The following MUSK variants were observed in gnomAD, a reference collection of about 807,000 sequenced individuals.
MUSK encodes muscle, skeletal receptor tyrosine-protein kinase.
A neutral mutation model predicts 88.7 loss-of-function variants in MUSK; 55 were observed. The observed-to-expected ratio is 0.62, with a 90% CI of 0.50 to 0.78. MUSK has a LOEUF of 0.78. MUSK is among the 30% of genes least tolerant of loss of function. MUSK has a pLI of 0.00. For synonymous variants in MUSK, 387 were observed against 391.9 expected, an observed-to-expected ratio of 0.99 and a Z score of 0.15; for missense variants, 1,015 against 1,074.3, an observed-to-expected ratio of 0.94 and a Z score of 0.77.
rs1261130846 is a variant in MUSK, at chr9:110,747,781, A to G, written c.894A>G (p.Ala298=). 1.9e-6 allele frequency: 3 copies of G among 1,613,720 alleles called. No individual in the cohort carries two copies. Among genetic ancestry groups the G allele is most frequent in the Non-Finnish European group, 2.5e-6 (3 of 1,179,774 alleles). ...AGAAGTTCAGTACTGCCAAGGCTGC[A>G]GCCACCATCAGCATAGCAGGTAGGA... The part of the protein sequence containing the change: ...HGEKFSTAKA[A]ATISIAEWSK... Residue 298 remains alanine, a synonymous_variant, in exon 7 of 15, where the codon GCA becomes GCG. Coordinates refer to ENST00000374448, the MANE Select transcript of MUSK (RefSeq NM_005592.4).
chr9:110,713,562 C>A (rs2076704082), intron 5 of MUSK, among the ~76,000 whole-genome samples: 2 of 152,006 alleles, frequency 1.3e-5, no homozygotes, highest in Admixed American at 1.3e-4. Context: ...GCCTAGCCCT[C>A]TCTTAGACAT....
chr9:110,707,019 G>GAA (rs1384206965), intron 5 of MUSK, among the ~76,000 whole-genome samples: 1 of 143,842 alleles, frequency 7.0e-6, no homozygotes, highest in African/African-American at 2.6e-5. Flanking sequence ...AATAGAGAGA[G>GAA]AGAGAGAGAA....
At chr9:110,708,492 A>G (rs952904787) in intron 5 of MUSK, among the ~76,000 whole-genome samples, 1 of 152,162 alleles carries the variant, frequency 6.6e-6, no homozygotes, top group Non-Finnish European at 1.5e-5. Flanking sequence ...TACATTGTGC[A>G]TTTGAAAACC....
chr9:110,673,794 T>G (rs1298980335), intron 1 of MUSK, among the ~76,000 whole-genome samples: 9 of 152,190 alleles, frequency 5.9e-5, no homozygotes, highest in Non-Finnish European at 8.8e-5. Flanking sequence ...AAGTAGCACA[T>G]GGTATTTAAG....
At chr9:110,707,756 A>G (rs2076617407) in intron 5 of MUSK, among the ~76,000 whole-genome samples, 1 of 152,204 alleles carries the variant, frequency 6.6e-6, no homozygotes, top group African/African-American at 2.4e-5. Flanking sequence ...CCTTCTGGGT[A>G]CAGGGTTATT....
chr9:110,774,872 C>CAA (rs1442335842), intron 9 of MUSK, among the ~76,000 whole-genome samples: 1 of 136,144 alleles, frequency 7.3e-6, no homozygotes, highest in Non-Finnish European at 1.5e-5. Context: ...TATATACACA[C>CAA]ACACACACAC....
intron 3 of MUSK, among the ~76,000 whole-genome samples, chr9:110,689,242 T>TATAA (rs373336403): frequency 0.69 from 79,601 of 115,466 alleles, 28,461 homozygotes; most frequent in African/African-American, 0.86. Flanking sequence ...TATATAAATA[T>TATAA]ATAAACTATA....
At chr9:110,755,125 C>T (rs1013873354) in intron 7 of MUSK, among the ~76,000 whole-genome samples, 24 of 152,260 alleles carry the variant, frequency 1.6e-4, no homozygotes, top group African/African-American at 4.8e-4. Flanking sequence ...TGGAGTCCTG[C>T]AAATGTTAGA....
At chr9:110,755,699 C>G (rs1050786499) in intron 7 of MUSK, among the ~76,000 whole-genome samples, 2 of 151,924 alleles carry the variant, frequency 1.3e-5, no homozygotes, top group Non-Finnish European at 2.9e-5. Context: ...GGAGAGTAGA[C>G]AAAATGGGTC....
intron 6 of MUSK, among the ~76,000 whole-genome samples, chr9:110,746,497 G>T (rs1043986039): frequency 1.3e-5 from 2 of 152,194 alleles, no homozygotes; most frequent in Non-Finnish European, 2.9e-5. Context: ...AGACACGCTA[G>T]GATGCAAATT....
chr9:110,675,975 A>G (rs1185796093), intron 1 of MUSK, among the ~76,000 whole-genome samples: 1 of 152,072 alleles, frequency 6.6e-6, no homozygotes, highest in African/African-American at 2.4e-5. Flanking sequence ...TTATCTCTCA[A>G]TATCTAGATG....
intron 6 of MUSK, among the ~76,000 whole-genome samples, chr9:110,739,933 G>A (rs1157891692): frequency 6.6e-6 from 1 of 152,208 alleles, no homozygotes; most frequent in East Asian, 1.9e-4. Flanking sequence ...CTTGGCTGTA[G>A]TGAACATATA....
At chr9:110,734,907 A>G (rs929825489) in intron 6 of MUSK, among the ~76,000 whole-genome samples, 2 of 152,082 alleles carry the variant, frequency 1.3e-5, no homozygotes, top group African/African-American at 4.8e-5. Context: ...AACATCAAAC[A>G]CTATTCTAGG....
At chr9:110,776,998 A>G (rs964261810) in intron 11 of MUSK, among the ~76,000 whole-genome samples, 4 of 152,186 alleles carry the variant, frequency 2.6e-5, no homozygotes, top group Non-Finnish European at 5.9e-5. Flanking sequence ...TAATCTAATT[A>G]TGTATAGATG....
intron 8 of MUSK, among the ~76,000 whole-genome samples, chr9:110,764,598 A>ATAGAT (rs1305420865): frequency 7.0e-6 from 1 of 143,062 alleles, no homozygotes; most frequent in Non-Finnish European, 1.6e-5. Context: ...AGATAGATAG[A>ATAGAT]TAGATTAGAT....
intron 5 of MUSK, among the ~76,000 whole-genome samples, chr9:110,707,539 G>T (rs1040258890): frequency 2.6e-5 from 4 of 152,164 alleles, no homozygotes; most frequent in Non-Finnish European, 5.9e-5. Context: ...ATGCTGGAGT[G>T]TATCAAGCTC....
intron 5 of MUSK, among the ~76,000 whole-genome samples, chr9:110,733,040 T>C (rs2076984730): frequency 6.6e-6 from 1 of 152,126 alleles, no homozygotes; most frequent in African/African-American, 2.4e-5. Context: ...TCTCCCATAC[T>C]TTAGTTTAGA....
chr9:110,770,396 TTA>T (rs1316627876), intron 9 of MUSK, among the ~76,000 whole-genome samples: 13 of 146,294 alleles, frequency 8.9e-5, no homozygotes, highest in Non-Finnish European at 1.8e-4. Context: ...AGCTATATAA[TTA>T]TATATTATAG....
chr9:110,684,216 C>G (rs1256892374), intron 2 of MUSK, among the ~76,000 whole-genome samples: 1 of 152,058 alleles, frequency 6.6e-6, no homozygotes, highest in Non-Finnish European at 1.5e-5. Context: ...CAGTTTTCCA[C>G]ACATCATTTA....
Sources: allele counts gnomAD v4.1 joint callset (sites outside exome capture counted in the v4.1 genomes callset), GRCh38; gene constraint gnomAD v4.1.1; transcripts MANE v1.5; gene names NCBI Gene and HGNC (gene_info 2026-07-23, HGNC 2026-07-21).